The following CFAP161 variants were observed in gnomAD, a reference collection of about 807,000 sequenced individuals.
CFAP161 encodes the protein cilia- and flagella-associated protein 161.
CFAP161 carries 25 observed loss-of-function variants against 29.0 expected under a neutral mutation model. That is an observed-to-expected ratio of 0.86 (90% CI 0.63 to 1.20). CFAP161 has a LOEUF of 1.20. Ranked by LOEUF, CFAP161 falls within the 50% of genes most tolerant of loss-of-function variation. CFAP161 has a pLI of 0.00. For synonymous variants in CFAP161, 116 were observed against 137.4 expected (o/e 0.84, Z 1.09); for missense variants, 367 against 371.9 (o/e 0.99, Z 0.11).
At chr15:81,142,530 G>T (rs1414967790) in intron 4 of CFAP161, among the ~76,000 whole-genome samples, 1 of 152,016 alleles carries the variant, frequency 6.6e-6, no homozygotes, top group Non-Finnish European at 1.5e-5. Flanking sequence ...GGAAAGCACC[G>T]TGCTCCTACC....
At chr15:81,145,603 A>C (rs988182707) in intron 5 of CFAP161, among the ~76,000 whole-genome samples, 2 of 152,002 alleles carry the variant, frequency 1.3e-5, no homozygotes, top group African/African-American at 4.8e-5. Context: ...TTACTGATTC[A>C]CCTTATGGCT....
chr15:81,147,157 C>A (rs1895022523), intron 5 of CFAP161, among the ~76,000 whole-genome samples: 2 of 151,934 alleles, frequency 1.3e-5, no homozygotes, highest in South Asian at 2.1e-4. Context: ...GTAACTATTC[C>A]TCTACCGCCC....
chr15:81,100,842 AAT>A (rs1894296219), intron 1 of CFAP161, among the ~76,000 whole-genome samples: 1 of 151,914 alleles, frequency 6.6e-6, no homozygotes, highest in African/African-American at 2.4e-5. Flanking sequence ...CTGGCCCCAG[AAT>A]ATGTCTTTGT....
chr15:81,144,866 G>A (rs539776365), intron 5 of CFAP161, among the ~76,000 whole-genome samples: 1 of 152,084 alleles, frequency 6.6e-6, no homozygotes, highest in African/African-American at 2.4e-5. Context: ...CATAGTCAAT[G>A]CAGTGGTCCT....
At chr15:81,144,179 T>C (rs1478758683) in intron 5 of CFAP161, among the ~76,000 whole-genome samples, 2 of 152,340 alleles carry the variant, frequency 1.3e-5, no homozygotes, top group East Asian at 3.9e-4. Flanking sequence ...TCAGGAACTT[T>C]CTAAAAAGCT....
chr15:81,119,800 T>G (rs2141868063), intron 1 of CFAP161, among the ~76,000 whole-genome samples: 1 of 152,236 alleles, frequency 6.6e-6, no homozygotes, highest in African/African-American at 2.4e-5. Flanking sequence ...CCCATGGTGG[T>G]TCATGCTTGT....
intron 4 of CFAP161, among the ~76,000 whole-genome samples, chr15:81,139,294 G>A (rs1303306635): frequency 6.6e-6 from 1 of 151,764 alleles, no homozygotes; most frequent in South Asian, 2.1e-4. Context: ...GAGACCCTGT[G>A]TCAAAAAATA....
At position 81,135,364 on chromosome 15, in the gene CFAP161, CTTT is replaced by C. The variant is rs369139890; in HGVS notation, c.159+16_159+18del. On this transcript the variant is annotated splice_donor_region_variant and intron_variant, in intron 2 of 6. Coordinates refer to ENST00000286732, the MANE Select transcript of CFAP161 (RefSeq NM_173528.4). ...AAACAGAATCTCTTGAGACCGGTAACTTTTTTTTTTTTTATTACACTTTAAGTT... is the reference window on the plus strand; with the variant it reads ...AAACAGAATCTCTTGAGACCGGTAACTTTTTTTTTTATTACACTTTAAGTT... 29 of 1,269,942 alleles carry C rather than the reference CTTT, an allele frequency of 2.3e-5. No individual in the cohort carries two copies. The highest frequency in any genetic ancestry group is 5.5e-5 in the East Asian group (2 of 36,258). The allele number at this position is 1,269,942 out of a possible 1,614,324, so 78.7% of individuals were successfully genotyped here.
chr15:81,134,439 A>T, intron 1 of CFAP161, 41 bp downstream of exon 1: 1 of 1,552,814 alleles, frequency 6.4e-7, no homozygotes, highest in Non-Finnish European at 8.7e-7. Flanking sequence ...CAGCTCAGGA[A>T]CTCCCAGACC....
chr15:81,107,026 A>G (rs1480361093), intron 1 of CFAP161, among the ~76,000 whole-genome samples: 1 of 152,174 alleles, frequency 6.6e-6, no homozygotes, highest in African/African-American at 2.4e-5. Context: ...TGATCACACT[A>G]TGACACTCCA....
At position 81,125,197 on chromosome 15, in the gene CFAP161, C is replaced by A. The variant is rs58725010; in HGVS notation, c.-141-2393C>A. 7.6e-4 allele frequency among the ~76,000 whole-genome samples: 116 copies of A among 152,138 alleles called. No individual in the cohort carries two copies. The East Asian group carries it at 0.018, about 23-fold the overall frequency. The stretch of plus-strand genomic sequence containing the variant: ...TTTTAAAAACAGTTTACCTAGACTA[C>A]TTATGAGAACTGAAAAGTAGACAAA... On this transcript the variant is annotated intron_variant, in intron 1 of 4. Transcript: ENST00000560091.
intron 1 of CFAP161, chr15:81,099,629 C>T (rs952725115): frequency 1.3e-5 from 2 of 152,184 alleles, no homozygotes; most frequent in African/African-American, 2.4e-5. Flanking sequence ...TCTGGAATTT[C>T]CAAAAGCTCA....
chr15:81,123,744 G>T (rs1403777860), intron 1 of CFAP161, among the ~76,000 whole-genome samples: 1 of 152,086 alleles, frequency 6.6e-6, no homozygotes, highest in African/African-American at 2.4e-5. Context: ...TCCTTGTTGA[G>T]ATCCTTCACT....
chr15:81,126,188 G>C (rs57694534), intron 1 of CFAP161, among the ~76,000 whole-genome samples: 6,561 of 152,250 alleles, frequency 0.043, 475 homozygotes, highest in African/African-American at 0.15. Context: ...GTGTATAAAA[G>C]AAAGTGAGAT....
At chr15:81,123,589 G>A (rs1434764659) in intron 1 of CFAP161, among the ~76,000 whole-genome samples, 1 of 152,172 alleles carries the variant, frequency 6.6e-6, no homozygotes, top group Non-Finnish European at 1.5e-5. Context: ...GTCAATGGTA[G>A]TTTAATGGGA....
intron 1 of CFAP161, among the ~76,000 whole-genome samples, chr15:81,101,332 G>T (rs1894300793): frequency 6.6e-6 from 1 of 151,778 alleles, no homozygotes; most frequent in South Asian, 2.1e-4. Context: ...TTTGAGACCA[G>T]CCTGGCCAAC....
chr15:81,101,782 C>T (rs568386115), intron 1 of CFAP161, among the ~76,000 whole-genome samples: 7 of 152,262 alleles, frequency 4.6e-5, no homozygotes, highest in African/African-American at 1.4e-4. Context: ...CCCCCAGGTG[C>T]TCTGTCAGTG....
chr15:81,117,050 A>G (rs185662765), intron 1 of CFAP161, among the ~76,000 whole-genome samples: 132 of 152,240 alleles, frequency 8.7e-4, no homozygotes, highest in African/African-American at 2.4e-3. Flanking sequence ...ATTTTTACAT[A>G]CAGTTTTAAG....
At chr15:81,117,797 C>T (rs1230737714) in intron 1 of CFAP161, 4 of 312,494 alleles carry the variant, frequency 1.3e-5, no homozygotes, top group Admixed American at 4.4e-5. Flanking sequence ...TCCCCTTCTA[C>T]ATCTTCGTCT....
Sources: allele counts gnomAD v4.1 joint callset (sites outside exome capture counted in the v4.1 genomes callset), GRCh38; gene constraint gnomAD v4.1.1; transcripts MANE v1.5; gene names NCBI Gene and HGNC (gene_info 2026-07-23, HGNC 2026-07-21).